The following ASTN2 variants were observed in gnomAD, a reference collection of about 807,000 sequenced individuals.
ASTN2 encodes the protein astrotactin-2.
In ASTN2, 54 loss-of-function variants were observed where a neutral mutation model predicts 139.8. The ratio of observed to expected loss-of-function variants is 0.39; its 90% CI spans 0.31 to 0.48. ASTN2 has a LOEUF of 0.48. ASTN2 is among the 20% of genes least tolerant of loss of function. The pLI, the probability that ASTN2 is intolerant of heterozygous loss-of-function variation, is 0.95. For synonymous variants in ASTN2, 756 were observed against 719.5 expected (o/e 1.05, Z -0.81); for missense variants, 1,565 against 1,725.1 (o/e 0.91, Z 1.64).
intron 16 of ASTN2, chr9:116,686,703 T>A: frequency 6.4e-7 from 1 of 1,550,500 alleles, no homozygotes; most frequent in Non-Finnish European, 8.7e-7. Context: ...GTACCTTCAG[T>A]CTGCAGGGAC....
At chr9:117,309,765 G>T (rs190454842) in intron 1 of ASTN2, among the ~76,000 whole-genome samples, 2 of 152,262 alleles carry the variant, frequency 1.3e-5, no homozygotes, top group Admixed American at 6.5e-5. Context: ...AAGCAGCTGG[G>T]TGTAGAGGAT....
chr9:116,765,305 G>C (rs1203580786), intron 13 of ASTN2, among the ~76,000 whole-genome samples: 1 of 152,066 alleles, frequency 6.6e-6, no homozygotes. Flanking sequence ...CCCCAGAGTC[G>C]GGCTAGGCAA....
At chr9:116,912,363 AG>A (rs575907219) in intron 10 of ASTN2, among the ~76,000 whole-genome samples, 3 of 152,344 alleles carry the variant, frequency 2.0e-5, no homozygotes, top group African/African-American at 7.2e-5. Flanking sequence ...AAGTGAGAAA[AG>A]CAAAGCAGTT....
At chr9:116,560,267 A>C (rs894814726) in intron 19 of ASTN2, among the ~76,000 whole-genome samples, 1 of 152,166 alleles carries the variant, frequency 6.6e-6, no homozygotes, top group Admixed American at 6.5e-5. Context: ...TCATTACATC[A>C]CTAACTCACT....
intron 19 of ASTN2, among the ~76,000 whole-genome samples, chr9:116,579,402 T>A (rs1588033292): frequency 6.6e-6 from 1 of 152,208 alleles, no homozygotes; most frequent in Non-Finnish European, 1.5e-5. Context: ...TCATGACCGA[T>A]GTTATGAGAA....
intron 19 of ASTN2, among the ~76,000 whole-genome samples, chr9:116,521,476 A>T (rs544104184): frequency 1.3e-5 from 2 of 152,314 alleles, no homozygotes; most frequent in South Asian, 4.1e-4. Context: ...TTCATCTCTC[A>T]ACTTATACAA....
intron 10 of ASTN2, among the ~76,000 whole-genome samples, chr9:116,875,429 G>A (rs1454793638): frequency 2.6e-5 from 4 of 152,312 alleles, no homozygotes; most frequent in African/African-American, 4.8e-5. Flanking sequence ...TTTAAGCAGA[G>A]ATTGATTCAT....
At chr9:117,345,126 G>A (rs1317834012) in intron 1 of ASTN2, among the ~76,000 whole-genome samples, 1 of 152,138 alleles carries the variant, frequency 6.6e-6, no homozygotes, top group East Asian at 1.9e-4. Flanking sequence ...GAGCCCAGGA[G>A]AGGACTGCCA....
At chr9:117,245,383 T>A (rs1005375183) in intron 2 of ASTN2, among the ~76,000 whole-genome samples, 1 of 152,198 alleles carries the variant, frequency 6.6e-6, no homozygotes, top group Non-Finnish European at 1.5e-5. Context: ...GCAGCATCTG[T>A]GACTAATCTT....
intron 5 of ASTN2, among the ~76,000 whole-genome samples, chr9:117,074,432 A>T (rs1367486921): frequency 6.6e-6 from 1 of 152,246 alleles, no homozygotes; most frequent in Non-Finnish European, 1.5e-5. Flanking sequence ...TGGGACATTT[A>T]GGTTTTATTA....
intron 4 of ASTN2, among the ~76,000 whole-genome samples, chr9:117,134,999 A>C (rs1829916749): frequency 6.6e-6 from 1 of 152,226 alleles, no homozygotes; most frequent in Admixed American, 6.5e-5. Context: ...TTCTTAGCTC[A>C]GAGAGGGAGA....
intron 6 of ASTN2, among the ~76,000 whole-genome samples, chr9:117,033,395 A>T (rs1838301602): frequency 1.3e-5 from 2 of 152,168 alleles, no homozygotes; most frequent in African/African-American, 4.8e-5. Context: ...ACTAGGTCTT[A>T]GGTATTGAGC....
intron 6 of ASTN2, among the ~76,000 whole-genome samples, chr9:117,039,077 T>A (rs1231672828): frequency 6.6e-6 from 1 of 152,252 alleles, no homozygotes; most frequent in Non-Finnish European, 1.5e-5. Flanking sequence ...TATTTTGAAA[T>A]GGATCCACAG....
chr9:117,126,343 A>C (rs1314256362), intron 4 of ASTN2, among the ~76,000 whole-genome samples: 4 of 152,204 alleles, frequency 2.6e-5, no homozygotes, highest in Admixed American at 2.0e-4. Context: ...GGAAGCAGTC[A>C]GGTCTAAATT....
intron 1 of ASTN2, among the ~76,000 whole-genome samples, chr9:117,408,558 C>T (rs1831072859): frequency 1.3e-5 from 2 of 152,156 alleles, no homozygotes; most frequent in South Asian, 4.1e-4. Flanking sequence ...AGGTGAGAAG[C>T]AGGAGGCCTT....
At chr9:117,376,847 C>T (rs1830138182) in intron 1 of ASTN2, among the ~76,000 whole-genome samples, 1 of 152,158 alleles carries the variant, frequency 6.6e-6, no homozygotes, top group East Asian at 1.9e-4. Context: ...ATTTTCTCTC[C>T]TCTGTCCTGA....
At chr9:117,379,223 TAA>T (rs1310154486) in intron 1 of ASTN2, among the ~76,000 whole-genome samples, 4 of 152,096 alleles carry the variant, frequency 2.6e-5, no homozygotes, top group East Asian at 3.9e-4. Context: ...TCATCAGAAA[TAA>T]AGAGTTTGAT....
intron 16 of ASTN2, among the ~76,000 whole-genome samples, chr9:116,685,262 A>G (rs1221687428): frequency 1.3e-5 from 2 of 152,082 alleles, no homozygotes; most frequent in Non-Finnish European, 2.9e-5. Flanking sequence ...TCGACTCCCT[A>G]TGATTTCATC....
At position 117,214,828 on chromosome 9, in the gene ASTN2, G is replaced by A. The variant is rs534290804; in HGVS notation, c.631-86C>T. ...GGGATTTTCCTGTCCACTACACTCT[G>A]CCAGGATCCCTGGGTTTGGCTCATA... On this transcript the variant is annotated intron_variant, in intron 2 of 22. Transcript: ENST00000313400. The A allele has an allele frequency of 2.2e-5, 29 of 1,315,494 alleles. No individual in the cohort carries two copies. The East Asian group carries it at 6.7e-4, about 30-fold the overall frequency. The allele number at this position is 1,315,494 out of a possible 1,614,324, so 81.5% of individuals were successfully genotyped here.
Sources: allele counts gnomAD v4.1 joint callset (sites outside exome capture counted in the v4.1 genomes callset), GRCh38; gene constraint gnomAD v4.1.1; transcripts MANE v1.5; gene names NCBI Gene and HGNC (gene_info 2026-07-23, HGNC 2026-07-21).